Variants in PTGES3L observed in about 807,000 individuals in gnomAD.
PTGES3L encodes prostaglandin E synthase 3 like.
PTGES3L carries 17 observed loss-of-function variants against 25.0 expected under a neutral mutation model. The ratio of observed to expected loss-of-function variants is 0.68; its 90% CI spans 0.47 to 1.02. The LOEUF is 1.02. Among genes scored for constraint, PTGES3L ranks in the 50% least tolerant of loss-of-function variants. The pLI, the probability that PTGES3L is intolerant of heterozygous loss-of-function variation, is 0.00. For synonymous variants in PTGES3L, 59 were observed against 65.7 expected (o/e 0.90, Z 0.50); for missense variants, 202 against 197.5 (o/e 1.02, Z -0.14).
intron 5 of PTGES3L, among the ~76,000 whole-genome samples, chr17:42,970,676 G>GTGCGCA (rs2049817696): frequency 6.9e-6 from 1 of 144,092 alleles, no homozygotes; most frequent in South Asian, 2.2e-4. Flanking sequence ...CTTAACACGC[G>GTGCGCA]CACACACACA....
In PTGES3L at chr17:42,969,175, G is replaced by A; in HGVS notation, c.444C>T (p.Asp148=). 6.9e-7 allele frequency: 1 copy of A among 1,456,298 alleles called. No individual in the cohort carries two copies. Among genetic ancestry groups the A allele is most frequent in the East Asian group, 2.6e-5 (1 of 38,068 alleles). 90.2% of individuals were successfully genotyped at this position (1,456,298 alleles called of 1,614,324 possible). ...PAMDDLDDDS[D]SADDATSN Reference sequence around the variant, plus strand: ...AATTACTTGTTGCATCATCAGCACTGTCAGAATCATCCTGGGGGCGGGGGG... The same window carrying A: ...AATTACTTGTTGCATCATCAGCACTATCAGAATCATCCTGGGGGCGGGGGG... Residue 148 remains aspartate, a synonymous_variant, in exon 7 of 7, where the codon GAC becomes GAT. Coordinates refer to ENST00000591916, the MANE Select transcript of PTGES3L (RefSeq NM_001261430.2).
chr17:42,969,730 G>C (rs1344158423), intron 6 of PTGES3L, among the ~76,000 whole-genome samples: 1 of 151,500 alleles, frequency 6.6e-6, no homozygotes, highest in Non-Finnish European at 1.5e-5. Context: ...TAATGCTATT[G>C]CTCCTTACAG....
chr17:42,972,187 CAAAAAAA>C (rs10598383), intron 4 of PTGES3L: 8 of 55,052 alleles, frequency 1.5e-4, no homozygotes, highest in African/African-American at 2.8e-4. Flanking sequence ...GACTGCATCT[CAAAAAAA>C]AAAAAAAAAA....
chr17:42,979,594 G>A lies in PTGES3L; in HGVS notation c.78C>T (p.Ser26=). 3 of 1,614,140 alleles carry A rather than the reference G, an allele frequency of 1.9e-6. No homozygotes were observed. Among genetic ancestry groups the A allele is most frequent in the South Asian group, 1.1e-5 (1 of 91,080 alleles). Residue 26 remains serine, a synonymous_variant, in exon 2 of 7, where the codon AGC becomes AGT. Coordinates refer to ENST00000591916, the MANE Select transcript of PTGES3L (RefSeq NM_001261430.2). ...CCTCAATAAGCACGTGGACATCGGT[G>A]CTGTCCTCAACACAAAACTCCATGA... ...YVFMEFCVED[S]TDVHVLIEDH... is the part of the protein sequence containing the mutation.
intron 4 of PTGES3L, among the ~76,000 whole-genome samples, chr17:42,976,441 C>T (rs1208465049): frequency 2.0e-5 from 3 of 151,982 alleles, no homozygotes; most frequent in East Asian, 3.9e-4. Flanking sequence ...TGCAGTGGCA[C>T]GATCTCAGCT....
chr17:42,978,504 G>A (rs1391079671), intron 4 of PTGES3L, among the ~76,000 whole-genome samples: 1 of 152,176 alleles, frequency 6.6e-6, no homozygotes, highest in African/African-American at 2.4e-5. Flanking sequence ...CTGAAGTGGA[G>A]TCTTACACAT....
chr17:42,978,073 G>A (rs1478140334), intron 4 of PTGES3L, among the ~76,000 whole-genome samples: 4 of 1,800 alleles, frequency 2.2e-3, no homozygotes, highest in East Asian at 0.01. Flanking sequence ...GCGAAACTCC[G>A]AATCAAAAAA....
At chr17:42,975,975 C>T (rs188200615) in intron 4 of PTGES3L, among the ~76,000 whole-genome samples, 1 of 150,748 alleles carries the variant, frequency 6.6e-6, no homozygotes, top group Non-Finnish European at 1.5e-5. Context: ...GAACCTGGCT[C>T]CCCGTTTTAT....
At chr17:42,976,041 G>A (rs1168357711) in intron 4 of PTGES3L, among the ~76,000 whole-genome samples, 1 of 151,440 alleles carries the variant, frequency 6.6e-6, no homozygotes, top group Non-Finnish European at 1.5e-5. Context: ...GGAGTGCAGT[G>A]GTGAGCTCTT....
At chr17:42,972,604 G>A (rs1415356202) in intron 4 of PTGES3L, among the ~76,000 whole-genome samples, 3 of 152,118 alleles carry the variant, frequency 2.0e-5, no homozygotes, top group African/African-American at 7.2e-5. Context: ...GATTGCAGAC[G>A]GAGTCTCGTT....
chr17:42,972,956 G>A (rs2049875405), intron 4 of PTGES3L, among the ~76,000 whole-genome samples: 1 of 146,776 alleles, frequency 6.8e-6, no homozygotes, highest in African/African-American at 2.5e-5. Flanking sequence ...GAGATGTGGG[G>A]AGCACCTCTG....
chr17:42,973,123 C>T (rs1319403033), intron 4 of PTGES3L, among the ~76,000 whole-genome samples: 3 of 145,182 alleles, frequency 2.1e-5, no homozygotes, highest in Admixed American at 6.9e-5. Flanking sequence ...CCTCTCCGCC[C>T]GGCAGCCACC....
At chr17:42,970,143 A>G in intron 6 of PTGES3L, 146 bp downstream of exon 6, 3 of 939,378 alleles carry the variant, frequency 3.2e-6, no homozygotes, top group Non-Finnish European at 4.9e-6. Flanking sequence ...CCAAAAAAAG[A>G]ATATTAGCCC....
intron 4 of PTGES3L, among the ~76,000 whole-genome samples, chr17:42,976,055 T>C (rs2049948877): frequency 6.6e-6 from 1 of 152,048 alleles, no homozygotes; most frequent in East Asian, 1.9e-4. Context: ...AGCTCTTGGC[T>C]CACTGCAACC....
At chr17:42,973,196 G>C (rs1205656600) in intron 4 of PTGES3L, among the ~76,000 whole-genome samples, 1 of 148,504 alleles carries the variant, frequency 6.7e-6, no homozygotes, top group African/African-American at 2.5e-5. Context: ...GAGGTGGGGG[G>C]GGGTCAGCCC....
intron 4 of PTGES3L, 181 bp from the exon 5 acceptor site, chr17:42,971,877 G>C: frequency 3.4e-6 from 2 of 588,396 alleles, no homozygotes; most frequent in Non-Finnish European, 3.0e-6. Flanking sequence ...AGGCATGATA[G>C]AGTCTGAAAA....
intron 4 of PTGES3L, among the ~76,000 whole-genome samples, chr17:42,976,241 C>T (rs2049952226): frequency 1.3e-5 from 2 of 152,028 alleles, no homozygotes; most frequent in Non-Finnish European, 2.9e-5. Context: ...ACCTCAGCCT[C>T]CCAAAGTGCT....
At chr17:42,972,154 C>T (rs2049850224) in intron 4 of PTGES3L, 1 of 140,038 alleles carries the variant, frequency 7.1e-6, no homozygotes, top group African/African-American at 2.8e-5. Flanking sequence ...TGCCACTGCA[C>T]CCCAGCCTGG....
chr17:42,971,459 AC>A, intron 5 of PTGES3L, 147 bp downstream of exon 5: 3 of 702,656 alleles, frequency 4.3e-6, no homozygotes, highest in Non-Finnish European at 7.1e-6. Context: ...TGCACAAAAT[AC>A]GTAAAGAATA....
Sources: allele counts gnomAD v4.1 joint callset (sites outside exome capture counted in the v4.1 genomes callset), GRCh38; gene constraint gnomAD v4.1.1; transcripts MANE v1.5; gene names NCBI Gene and HGNC (gene_info 2026-07-23, HGNC 2026-07-21).